EXOC5: variants seen among roughly 807,000 people sequenced by gnomAD.
EXOC5 encodes the protein SEC10-like 1.
EXOC5 carries 17 observed loss-of-function variants against 90.8 expected under a neutral mutation model. The observed-to-expected ratio is 0.19, with a 90% CI of 0.13 to 0.28. The LOEUF (loss-of-function observed/expected upper bound fraction) is 0.28, where lower values mean the gene tolerates loss of function less well. Among genes scored for constraint, EXOC5 ranks in the 10% least tolerant of loss-of-function variants. EXOC5 has a pLI of 1.00. For synonymous variants in EXOC5, 260 were observed against 270.0 expected (o/e 0.96, Z 0.36); for missense variants, 569 against 830.6 (o/e 0.69, Z 3.87).
intron 1 of EXOC5, among the ~76,000 whole-genome samples, chr14:57,265,126 C>G (rs924880008): frequency 1.3e-5 from 2 of 150,372 alleles, no homozygotes; most frequent in African/African-American, 2.4e-5. Flanking sequence ...TACTTGGTCA[C>G]TGAACCCTTT....
intron 12 of EXOC5, among the ~76,000 whole-genome samples, chr14:57,222,826 GC>G (rs2139622812): frequency 6.6e-6 from 1 of 150,542 alleles, no homozygotes; most frequent in African/African-American, 2.4e-5. Flanking sequence ...CATACACAGG[GC>G]TAACATGTAA....
At chr14:57,219,265 T>C in intron 14 of EXOC5, 57 bp downstream of exon 14, 3 of 1,020,456 alleles carry the variant, frequency 2.9e-6, no homozygotes, top group Non-Finnish European at 4.1e-6. Context: ...ATATAGATTA[T>C]GTAGAATGCT....
chr14:57,208,635 C>A lies in EXOC5; in HGVS notation c.2101G>T (p.Ala701Ser), dbSNP rs758229466. ...CAGCTGAAGTGTCGAGCAAGGCGGG[C>A]AGATCTATAATCAGCACGAAGTTGT... ...FVQLRADYRS[A>S]RLARHFS Residue 701 changes from alanine (A) to serine (S), a missense_variant, in exon 18 of 18, where the codon GCC becomes TCC. By Grantham distance (99) the Ala-to-Ser change is moderately conservative. Around this residue, in one of 9 missense-constraint regions of EXOC5, gnomAD observed 122 missense variants for 180.0 expected, o/e 0.68. Transcript: ENST00000621441. 2 of 1,604,732 alleles carry A rather than the reference C, an allele frequency of 1.2e-6. No homozygotes were observed. The highest frequency in any genetic ancestry group is 2.2e-5 in the South Asian group (2 of 90,572).
intron 15 of EXOC5, 23 bp downstream of exon 15, chr14:57,217,959 A>G: frequency 8.1e-7 from 1 of 1,237,990 alleles, no homozygotes; most frequent in Middle Eastern, 1.9e-4. Flanking sequence ...AAAAAAATGC[A>G]AGAGACAAAA....
chr14:57,255,011 T>C (rs1462195746), intron 1 of EXOC5, among the ~76,000 whole-genome samples: 1 of 152,212 alleles, frequency 6.6e-6, no homozygotes, highest in African/African-American at 2.4e-5. Flanking sequence ...AAGTATGAAG[T>C]TCTTTGTATA....
rs1246184246 is a variant in EXOC5, at chr14:57,201,519, T to C, written c.*7090A>G. ...GTGTATATACACACACATATGTATA[T>C]ATATACACACACACCACACATATAC... On this transcript the variant is annotated 3_prime_UTR_variant, in exon 18 of 18. Coordinates refer to ENST00000621441, the MANE Select transcript of EXOC5 (RefSeq NM_006544.4). The C allele has an allele frequency of 7.0e-6, 1 of 143,054 alleles. No individual in the cohort carries two copies. The highest frequency in any genetic ancestry group is 1.5e-5 in the Non-Finnish European group (1 of 67,072). 8.9% of individuals were successfully genotyped at this position (143,054 alleles called of 1,614,324 possible). A position where few individuals can be genotyped will look rare whatever the true frequency, so the allele number is the denominator to read the frequency against.
Position 57,219,315 on chromosome 14 carries a change from G to C in EXOC5, c.1526+7C>G. On this transcript the variant is annotated splice_region_variant and intron_variant, in intron 14 of 17. Transcript: ENST00000621441. ...AATATCAATGAAAATCAGATAATTTGACTAACCTTATTAGTGGCATAAGGT... is the reference window on the plus strand; with the variant it reads ...AATATCAATGAAAATCAGATAATTTCACTAACCTTATTAGTGGCATAAGGT... The C allele has an allele frequency of 6.9e-7, 1 of 1,455,842 alleles. No individual in the cohort carries two copies. The highest frequency in any genetic ancestry group is 1.4e-5 in the South Asian group (1 of 72,548). The allele number at this position is 1,455,842 out of a possible 1,614,324, so 90.2% of individuals were successfully genotyped here.
chr14:57,213,403 T>A (rs907892347), intron 15 of EXOC5, among the ~76,000 whole-genome samples: 1 of 151,486 alleles, frequency 6.6e-6, no homozygotes, highest in Non-Finnish European at 1.5e-5. Context: ...TTTTTTATTT[T>A]TATATATTTA....
intron 1 of EXOC5, among the ~76,000 whole-genome samples, chr14:57,267,334 A>C (rs1293392695): frequency 6.6e-6 from 1 of 152,220 alleles, no homozygotes; most frequent in African/African-American, 2.4e-5. Flanking sequence ...ACTTATTATA[A>C]CAATAACATA....
chr14:57,215,227 G>A (rs1368666778), intron 15 of EXOC5, among the ~76,000 whole-genome samples: 4 of 150,094 alleles, frequency 2.7e-5, no homozygotes, highest in African/African-American at 7.4e-5. Context: ...GGGAGACTCC[G>A]TCTCAAAAAA....
chr14:57,217,110 A>G (rs538371041), intron 15 of EXOC5, among the ~76,000 whole-genome samples: 1 of 152,348 alleles, frequency 6.6e-6, no homozygotes, highest in South Asian at 2.1e-4. Flanking sequence ...ATAGATAACA[A>G]GCGTTGTCAA....
intron 1 of EXOC5, among the ~76,000 whole-genome samples, chr14:57,259,484 C>T (rs531438970): frequency 6.6e-6 from 1 of 152,322 alleles, no homozygotes; most frequent in East Asian, 1.9e-4. Flanking sequence ...CAAACAGCCA[C>T]ACTTCCGTCA....
At chr14:57,210,491 G>C (rs1187591532) in intron 15 of EXOC5, among the ~76,000 whole-genome samples, 1 of 152,110 alleles carries the variant, frequency 6.6e-6, no homozygotes, top group Non-Finnish European at 1.5e-5. Flanking sequence ...TTGGGGACGG[G>C]ACCCATTCTA....
At chr14:57,222,758 CACACATAT>C (rs1489193723) in intron 12 of EXOC5, among the ~76,000 whole-genome samples, 5 of 149,276 alleles carry the variant, frequency 3.3e-5, no homozygotes, top group African/African-American at 1.3e-4. Flanking sequence ...TACACACACA[CACACATAT>C]ATATATATAT....
chr14:57,263,290 A>G (rs568005743), intron 1 of EXOC5, among the ~76,000 whole-genome samples: 37 of 152,084 alleles, frequency 2.4e-4, no homozygotes, highest in African/African-American at 8.9e-4. Flanking sequence ...GGGCAATACA[A>G]TGAGACCCCG....
At chr14:57,261,028 A>G (rs924007572) in intron 1 of EXOC5, among the ~76,000 whole-genome samples, 1 of 152,234 alleles carries the variant, frequency 6.6e-6, no homozygotes, top group African/African-American at 2.4e-5. Flanking sequence ...ATAAGCAAAG[A>G]TATGTAAATA....
intron 2 of EXOC5, 93 bp from the exon 3 acceptor site, chr14:57,246,951 G>C (rs1000543838): frequency 1.5e-6 from 1 of 676,928 alleles, no homozygotes; most frequent in Non-Finnish European, 2.4e-6. Context: ...TTAATAAGAA[G>C]AGTTCCTTGA....
Position 57,201,514 on chromosome 14 carries a change from G to GTA in EXOC5, c.*7093_*7094dup, listed in dbSNP as rs1187710835. The GTA allele has an allele frequency of 8.2e-5, 11 of 134,362 alleles. No individual in the cohort carries two copies. The highest frequency in any genetic ancestry group is 2.3e-4 in the South Asian group (1 of 4,292). 8.3% of individuals were successfully genotyped at this position (134,362 alleles called of 1,614,324 possible). A position where few individuals can be genotyped will look rare whatever the true frequency, so the allele number is the denominator to read the frequency against. On this transcript the variant is annotated 3_prime_UTR_variant, in exon 18 of 18. Coordinates refer to ENST00000621441, the MANE Select transcript of EXOC5 (RefSeq NM_006544.4). ...CACACGTGTATATACACACACATAT[G>GTA]TATATATATACACACACACCACACA...
intron 4 of EXOC5, among the ~76,000 whole-genome samples, chr14:57,242,648 T>C (rs1883905100): frequency 6.6e-6 from 1 of 152,198 alleles, no homozygotes; most frequent in South Asian, 2.1e-4. Flanking sequence ...CCTCCCACAA[T>C]CACACACTGG....
Sources: allele counts gnomAD v4.1 joint callset (sites outside exome capture counted in the v4.1 genomes callset), GRCh38; gene constraint gnomAD v4.1.1; regional missense constraint gnomAD v4.1.1; transcripts MANE v1.5; gene names NCBI Gene and HGNC (gene_info 2026-07-23, HGNC 2026-07-21).